The following TAF5L variants were observed in gnomAD, a reference collection of about 807,000 sequenced individuals.
TAF5L encodes the protein TAF5-like RNA polymerase II p300/CBP-associated factor-associated factor 65 kDa subunit 5L.
TAF5L carries 7 observed loss-of-function variants against 51.3 expected under a neutral mutation model. The observed-to-expected ratio is 0.14, with a 90% confidence interval of 0.08 to 0.26. TAF5L has a LOEUF of 0.26. Among genes scored for constraint, TAF5L ranks in the 10% least tolerant of loss-of-function variants. TAF5L has a pLI of 1.00. For synonymous variants in TAF5L, 291 were observed against 308.1 expected (o/e 0.94, Z 0.58); for missense variants, 575 against 758.9 (o/e 0.76, Z 2.85).
In TAF5L at chr1:229,614,558, G is replaced by A. The variant is rs772388640; in HGVS notation, c.-3-73C>T. 5.7e-6 allele frequency: 9 copies of A among 1,571,976 alleles called. No individual in the cohort carries two copies. In the Middle Eastern group the frequency reaches 5.1e-4, roughly 89 times the overall value. ...GAGCAACCTATCTAACTGCACCATC[G>A]CAGATGGGTAGGACACATGGGAGAG... On this transcript the variant is annotated intron_variant, in intron 1 of 4. Transcript: ENST00000258281.
intron 3 of TAF5L, 110 bp downstream of exon 3, chr1:229,609,996 C>A: frequency 1.2e-6 from 1 of 826,490 alleles, no homozygotes; most frequent in Admixed American, 2.8e-5. Flanking sequence ...TTTAATTTTT[C>A]TTTTTACCGC....
intron 1 of TAF5L, among the ~76,000 whole-genome samples, chr1:229,621,698 G>C (rs1239433607): frequency 6.6e-6 from 1 of 152,062 alleles, no homozygotes; most frequent in Non-Finnish European, 1.5e-5. Flanking sequence ...TAAAAAAAGA[G>C]AAACTCTGAG....
intron 4 of TAF5L, 37 bp from the exon 5 acceptor site, chr1:229,595,131 C>T (rs765145990): frequency 9.8e-6 from 15 of 1,530,412 alleles, no homozygotes; most frequent in Non-Finnish European, 8.8e-7. Flanking sequence ...AAGAAACACA[C>T]ACAAAAAATG....
At chr1:229,595,219 T>G (rs1474160259) in intron 4 of TAF5L, 125 bp from the exon 5 acceptor site, 1 of 1,007,534 alleles carries the variant, frequency 9.9e-7, no homozygotes, top group Middle Eastern at 2.9e-4. Context: ...ATAGCATCTA[T>G]CCAGCAAATG....
intron 4 of TAF5L, chr1:229,599,275 G>GTTT (rs34051833): frequency 3.3e-4 from 230 of 688,448 alleles, no homozygotes; most frequent in South Asian, 4.0e-4. Flanking sequence ...CTGTTATCCT[G>GTTT]TTTTTTTTTT....
At chr1:229,603,436 C>T (rs1242927408) in intron 3 of TAF5L, among the ~76,000 whole-genome samples, 2 of 152,124 alleles carry the variant, frequency 1.3e-5, no homozygotes, top group African/African-American at 4.8e-5. Context: ...GATTTTAGTG[C>T]TCTAGTTTGT....
At chr1:229,616,581 G>A (rs1440929328) in intron 1 of TAF5L, among the ~76,000 whole-genome samples, 1 of 152,036 alleles carries the variant, frequency 6.6e-6, no homozygotes, top group Non-Finnish European at 1.5e-5. Flanking sequence ...GTGTATGTGT[G>A]GTGAATAACC....
chr1:229,605,514 A>C (rs1664561043), intron 3 of TAF5L, among the ~76,000 whole-genome samples: 1 of 152,152 alleles, frequency 6.6e-6, no homozygotes, highest in South Asian at 2.1e-4. Context: ...GTTAATAAGG[A>C]GTGGACTTGT....
chr1:229,600,645 C>G (rs995317931), intron 4 of TAF5L: 1 of 985,326 alleles, frequency 1.0e-6, no homozygotes, highest in Non-Finnish European at 1.2e-6. Context: ...CTTGGCCCCT[C>G]TCCTAACTCC....
intron 3 of TAF5L, chr1:229,606,713 G>T (rs1226441024): frequency 1.0e-5 from 10 of 985,350 alleles, no homozygotes; most frequent in Non-Finnish European, 1.2e-5. Context: ...CCTCTTAGGA[G>T]CCAGGTACTT....
At position 229,594,092 on chromosome 1, in the gene TAF5L, T is replaced by A; in HGVS notation, c.*205A>T. On this transcript the variant is annotated 3_prime_UTR_variant, in exon 5 of 5. Coordinates refer to ENST00000258281, the Ensembl canonical transcript of TAF5L. The surrounding 1 kb of genome is among the most constrained non-coding windows in gnomAD (Gnocchi z 7.9). ...GGGCACTCTAATTCTTGATCACTCA[T>A]CATTGCCTCTCTCCTGTTCCCCTCC... 1.7e-6 allele frequency: 1 copy of A among 583,666 alleles called. No homozygotes were observed. The highest frequency in any genetic ancestry group is 3.1e-5 in the East Asian group (1 of 32,188). 36.2% of individuals were successfully genotyped at this position (583,666 alleles called of 1,614,324 possible). A position where few individuals can be genotyped will look rare whatever the true frequency, so the allele number is the denominator to read the frequency against.
At chr1:229,596,510 C>T (rs6702299) in intron 4 of TAF5L, among the ~76,000 whole-genome samples, 4 of 151,942 alleles carry the variant, frequency 2.6e-5, no homozygotes, top group Admixed American at 6.6e-5. Context: ...TCTCCCCCAA[C>T]GTAACAAAAC....
intron 3 of TAF5L, chr1:229,606,526 G>T (rs771075281): frequency 6.3e-5 from 62 of 985,130 alleles, no homozygotes; most frequent in Non-Finnish European, 7.4e-5. Context: ...TAATCCTGTC[G>T]GTCCTCATTC....
chr1:229,596,404 T>TC (rs1403493428), intron 4 of TAF5L, among the ~76,000 whole-genome samples: 1 of 152,016 alleles, frequency 6.6e-6, no homozygotes, highest in Non-Finnish European at 1.5e-5. Flanking sequence ...AAATCACAGC[T>TC]CCCCCTGCCT....
chr1:229,608,639 A>T (rs920411594), intron 3 of TAF5L, among the ~76,000 whole-genome samples: 1 of 152,220 alleles, frequency 6.6e-6, no homozygotes, highest in Admixed American at 6.5e-5. Context: ...CAGTTAAAAA[A>T]ATATGATATT....
chr1:229,614,406 T>C, exon 2 of TAF5L: 1 of 1,614,222 alleles, frequency 6.2e-7, no homozygotes, highest in Non-Finnish European at 8.5e-7. Context: ...CAGGGGACCA[T>C]CTGAGTCCAC....
chr1:229,614,628 T>A, intron 1 of TAF5L, 143 bp from the exon 2 acceptor site: 1 of 962,120 alleles, frequency 1.0e-6, no homozygotes, highest in Non-Finnish European at 1.5e-6. Flanking sequence ...GACGCAAATC[T>A]AAGTTCCCTA....
chr1:229,605,049 T>G (rs1179432705), intron 3 of TAF5L, among the ~76,000 whole-genome samples: 3 of 152,076 alleles, frequency 2.0e-5, no homozygotes, highest in Non-Finnish European at 4.4e-5. Flanking sequence ...GTGATTGTCC[T>G]GCCTCAGCCT....
chr1:229,604,970 C>T (rs1005295648), intron 3 of TAF5L, among the ~76,000 whole-genome samples: 2 of 152,244 alleles, frequency 1.3e-5, no homozygotes, highest in Middle Eastern at 6.8e-3. Flanking sequence ...TGGAGTCTCG[C>T]TCCGTCACCC....
Sources: allele counts gnomAD v4.1 joint callset (sites outside exome capture counted in the v4.1 genomes callset), GRCh38; gene constraint gnomAD v4.1.1; non-coding constraint Gnocchi (gnomAD v3.1); transcripts MANE v1.5; gene names NCBI Gene and HGNC (gene_info 2026-07-23, HGNC 2026-07-21).